GNB4: variants seen among roughly 807,000 people sequenced by gnomAD.
The protein encoded by GNB4 is guanine nucleotide-binding protein subunit beta-4.
Under a neutral mutation model 45.2 loss-of-function variants are expected in GNB4, and 28 were observed. That is an observed-to-expected ratio of 0.62 (90% CI 0.46 to 0.85). The LOEUF is 0.85. GNB4 is among the 40% of genes least tolerant of loss of function. The probability of loss-of-function intolerance (pLI) is 0.00; values close to 1 mark genes in which losing one functional copy is unlikely to be tolerated. For missense variants in GNB4, 321 were observed against 425.4 expected, an observed-to-expected ratio of 0.75 and a Z score of 2.16; for synonymous variants, 132 against 143.7, an observed-to-expected ratio of 0.92 and a Z score of 0.58.
the GNB4 span, among the ~76,000 whole-genome samples, chr3:179,505,279 G>C: frequency 3.9e-5 from 6 of 152,218 alleles, no homozygotes; most frequent in African/African-American, 7.2e-5. Context: ...ATGGAAGAGA[G>C]AAGGAGCTTT....
At chr3:179,409,870 G>A (rs917694538) in intron 8 of GNB4, among the ~76,000 whole-genome samples, 8 of 150,372 alleles carry the variant, frequency 5.3e-5, no homozygotes, top group Non-Finnish European at 1.2e-4. Context: ...CAGTGAATCC[G>A]AGTGATCAGT....
chr3:179,403,755 G>T (rs1302687826), intron 9 of GNB4, among the ~76,000 whole-genome samples: 1 of 150,884 alleles, frequency 6.6e-6, no homozygotes, highest in Non-Finnish European at 1.5e-5. Flanking sequence ...CCAAGATCAT[G>T]CCACTGCACT....
chr3:179,447,640 G>T (rs368007852), intron 1 of GNB4, among the ~76,000 whole-genome samples: 1 of 152,166 alleles, frequency 6.6e-6, no homozygotes, highest in Non-Finnish European at 1.5e-5. Context: ...CAAACCAGTT[G>T]GGGGGCTCCT....
chr3:179,419,348 G>A (rs1284612248), intron 4 of GNB4, 51 bp downstream of exon 4: 1 of 1,104,694 alleles, frequency 9.1e-7, no homozygotes, highest in African/African-American at 1.5e-5. Flanking sequence ...GGTTCTTAAT[G>A]AAAATAATTC....
chr3:179,504,790 TG>T, the GNB4 span, among the ~76,000 whole-genome samples: 1 of 152,290 alleles, frequency 6.6e-6, no homozygotes, highest in East Asian at 1.9e-4. Context: ...AGGTGGCCTG[TG>T]TGAGCTTTCT....
intron 1 of GNB4, among the ~76,000 whole-genome samples, chr3:179,447,840 T>C (rs1477117003): frequency 1.3e-5 from 2 of 152,180 alleles, no homozygotes; most frequent in Non-Finnish European, 2.9e-5. Context: ...GAATTAGAAT[T>C]TTTAGCCTCA....
intron 3 of GNB4, among the ~76,000 whole-genome samples, chr3:179,420,613 A>AT (rs558596056): frequency 9.1e-4 from 138 of 151,462 alleles, no homozygotes; most frequent in African/African-American, 3.1e-3. Context: ...TGCCCAGCTA[A>AT]TTTTTTTTAT....
chr3:179,414,588 T>A (rs1051492098), intron 6 of GNB4, among the ~76,000 whole-genome samples: 1 of 152,236 alleles, frequency 6.6e-6, no homozygotes, highest in African/African-American at 2.4e-5. Context: ...CCATAATTGT[T>A]ATATGGCAGC....
chr3:179,498,292 G>A, the GNB4 span, among the ~76,000 whole-genome samples: 3 of 152,204 alleles, frequency 2.0e-5, no homozygotes, highest in African/African-American at 7.2e-5. Flanking sequence ...AGCTATGAAA[G>A]CAAGAGTGAG....
chr3:179,523,651 T>G, the GNB4 span, among the ~76,000 whole-genome samples: 22 of 152,246 alleles, frequency 1.4e-4, no homozygotes, highest in Non-Finnish European at 2.8e-4. Context: ...TTAATCCTTG[T>G]AAAGTGTGCT....
At chr3:179,448,177 A>T (rs1334736540) in intron 1 of GNB4, among the ~76,000 whole-genome samples, 7 of 152,180 alleles carry the variant, frequency 4.6e-5, no homozygotes, top group Admixed American at 4.6e-4. Flanking sequence ...TTTGAAGCAA[A>T]GCTGCATTGT....
chr3:179,426,543 G>A (rs983261091), intron 1 of GNB4, among the ~76,000 whole-genome samples: 1 of 152,020 alleles, frequency 6.6e-6, no homozygotes, highest in Admixed American at 6.6e-5. Context: ...CAGTTCAGAG[G>A]ACACCAAGAG....
the GNB4 span, among the ~76,000 whole-genome samples, chr3:179,468,132 A>G: frequency 6.7e-6 from 1 of 149,668 alleles, no homozygotes; most frequent in Non-Finnish European, 1.5e-5. Context: ...CAGGAGTTGG[A>G]GGCTGCAGGG....
chr3:179,475,404 C>A, the GNB4 span, among the ~76,000 whole-genome samples: 60 of 151,778 alleles, frequency 4.0e-4, no homozygotes, highest in Non-Finnish European at 6.8e-4. Flanking sequence ...CAGGCGTGAG[C>A]CACCACACCT....
At chr3:179,464,176 G>GTTT in the GNB4 span, among the ~76,000 whole-genome samples, 36 of 152,204 alleles carry the variant, frequency 2.4e-4, no homozygotes, top group Non-Finnish European at 3.8e-4. Context: ...AGTTAACCTG[G>GTTT]GGCTGGGTGC....
At chr3:179,460,241 G>A in the GNB4 span, among the ~76,000 whole-genome samples, 1 of 152,170 alleles carries the variant, frequency 6.6e-6, no homozygotes, top group African/African-American at 2.4e-5. Context: ...TAGGGAGTTT[G>A]TATTTTCTCA....
chr3:179,415,516 C>G (rs1234044537), intron 5 of GNB4, among the ~76,000 whole-genome samples: 1 of 152,134 alleles, frequency 6.6e-6, no homozygotes, highest in Non-Finnish European at 1.5e-5. Flanking sequence ...TGGCATCCCT[C>G]TATTAATAGG....
chr3:179,415,081 C>T (rs1714758758), intron 5 of GNB4, 34 bp from the exon 6 acceptor site: 1 of 1,491,724 alleles, frequency 6.7e-7, no homozygotes, highest in Non-Finnish European at 9.1e-7. Flanking sequence ...ACTCAGATTA[C>T]AAAAACAGTC....
the GNB4 span, chr3:179,464,939 G>C: frequency 6.5e-7 from 1 of 1,540,972 alleles, no homozygotes; most frequent in South Asian, 1.1e-5. Flanking sequence ...TGTGGTTGTG[G>C]CTGGAAGGTC....
Sources: gnomAD v4.1 joint callset for allele counts (sites outside exome capture counted in the v4.1 genomes callset) on GRCh38, gnomAD v4.1.1 for gene constraint, MANE v1.5 for transcripts, NCBI Gene and HGNC (gene_info 2026-07-23, HGNC 2026-07-21) for gene names.